Variants in FER observed in about 807,000 individuals in gnomAD.
The protein encoded by FER is tyrosine-protein kinase Fer.
A neutral mutation model predicts 111.0 loss-of-function variants in FER; 63 were observed. That is an observed-to-expected ratio of 0.57 (90% confidence interval 0.46 to 0.70). The LOEUF is 0.70. Among genes scored for constraint, FER ranks in the 30% least tolerant of loss-of-function variants. The pLI, the probability that FER is intolerant of heterozygous loss-of-function variation, is 0.00. For synonymous variants in FER, 327 were observed against 313.9 expected (o/e 1.04, Z -0.44); for missense variants, 914 against 954.0 (o/e 0.96, Z 0.55).
chr5:109,029,425 C>CTTTTTTTTTT (rs757282669), intron 13 of FER, among the ~76,000 whole-genome samples: 12 of 52,200 alleles, frequency 2.3e-4, no homozygotes, highest in Non-Finnish European at 3.1e-4. Flanking sequence ...ATTCATTGTT[C>CTTTTTTTTTT]TTTTTTTTTT....
chr5:108,905,459 T>G (rs1008380710), intron 10 of FER, among the ~76,000 whole-genome samples: 3 of 152,248 alleles, frequency 2.0e-5, no homozygotes, highest in Admixed American at 2.0e-4. Context: ...GAAGATAAAG[T>G]TAGGTAAGAA....
At chr5:109,079,461 C>T (rs576776858) in intron 16 of FER, among the ~76,000 whole-genome samples, 52 of 152,244 alleles carry the variant, frequency 3.4e-4, no homozygotes, top group South Asian at 2.7e-3. Flanking sequence ...ATTCTTTCAT[C>T]ATAAGTCTGA....
chr5:108,904,961 T>G (rs2150345166), intron 10 of FER, among the ~76,000 whole-genome samples: 1 of 152,244 alleles, frequency 6.6e-6, no homozygotes, highest in South Asian at 2.1e-4. Context: ...ATATTTACAG[T>G]TGTATGTTAT....
chr5:108,966,341 C>G (rs1759814712), intron 13 of FER, among the ~76,000 whole-genome samples: 1 of 151,518 alleles, frequency 6.6e-6, no homozygotes, highest in Non-Finnish European at 1.5e-5. Flanking sequence ...GCCTGATATT[C>G]ACCATTTCAT....
chr5:109,013,355 T>C (rs187153081), intron 13 of FER, among the ~76,000 whole-genome samples: 16,509 of 150,952 alleles, frequency 0.11, 993 homozygotes, highest in Non-Finnish European at 0.14. Context: ...TTGCGATAGT[T>C]TACTGAGAAT....
chr5:109,139,157 G>GGAGCTAAGT (rs1362788141), intron 17 of FER, among the ~76,000 whole-genome samples: 1 of 152,028 alleles, frequency 6.6e-6, no homozygotes, highest in East Asian at 1.9e-4. Flanking sequence ...GGAACACAGC[G>GGAGCTAAGT]GAGCTAAGTG....
At chr5:109,032,877 T>C (rs1473484510) in intron 13 of FER, among the ~76,000 whole-genome samples, 1 of 152,184 alleles carries the variant, frequency 6.6e-6, no homozygotes, top group African/African-American at 2.4e-5. Context: ...ATATTAATAC[T>C]CAGGAATTAA....
chr5:109,181,924 C>G (rs1470416941), intron 18 of FER, among the ~76,000 whole-genome samples: 1 of 152,156 alleles, frequency 6.6e-6, no homozygotes, highest in African/African-American at 2.4e-5. Flanking sequence ...TTCCGTTGTC[C>G]CCTAGTAGCC....
At chr5:108,917,298 C>A (rs1752394222) in intron 10 of FER, among the ~76,000 whole-genome samples, 1 of 151,942 alleles carries the variant, frequency 6.6e-6, no homozygotes, top group Admixed American at 6.6e-5. Flanking sequence ...ATAATTGTTT[C>A]TATTTTTAAG....
At chr5:108,773,637 A>T (rs1055137416) in intron 2 of FER, among the ~76,000 whole-genome samples, 1 of 152,028 alleles carries the variant, frequency 6.6e-6, no homozygotes, top group Non-Finnish European at 1.5e-5. Flanking sequence ...GCTGTTGTGA[A>T]TAGTGTGGCA....
intron 17 of FER, among the ~76,000 whole-genome samples, chr5:109,122,433 T>C (rs1010397654): frequency 1.3e-5 from 2 of 152,118 alleles, no homozygotes; most frequent in South Asian, 2.1e-4. Flanking sequence ...TCAGAGAAGA[T>C]GTACTTTATT....
chr5:108,878,425 A>G (rs950555759), intron 8 of FER, among the ~76,000 whole-genome samples: 3 of 151,972 alleles, frequency 2.0e-5, no homozygotes, highest in Non-Finnish European at 4.4e-5. Context: ...CATGTGTGTG[A>G]ATTGTTTTCT....
intron 12 of FER, 48 bp downstream of exon 12, chr5:108,954,980 C>A (rs547811411): frequency 2.1e-6 from 3 of 1,447,072 alleles, no homozygotes; most frequent in Non-Finnish European, 2.8e-6. Flanking sequence ...TAGTTCATTG[C>A]GGTACAATTA....
chr5:108,774,321 G>A (rs1753249143), intron 2 of FER, among the ~76,000 whole-genome samples: 3 of 152,176 alleles, frequency 2.0e-5, no homozygotes, highest in Middle Eastern at 3.4e-3. Flanking sequence ...ATTTGGGTTG[G>A]TTCTGTCTCT....
At chr5:108,988,293 A>C (rs1762800452) in intron 13 of FER, among the ~76,000 whole-genome samples, 1 of 151,820 alleles carries the variant, frequency 6.6e-6, no homozygotes, top group Non-Finnish European at 1.5e-5. Flanking sequence ...TATTAGGATG[A>C]TATTGGCTTC....
chr5:108,905,604 G>T (rs1750647479), intron 10 of FER, among the ~76,000 whole-genome samples: 1 of 152,098 alleles, frequency 6.6e-6, no homozygotes, highest in Non-Finnish European at 1.5e-5. Flanking sequence ...GGAAAGGTGG[G>T]TCAAAGAGAT....
intron 9 of FER, chr5:108,894,473 G>C: frequency 2.5e-6 from 1 of 403,670 alleles, no homozygotes; most frequent in Non-Finnish European, 4.7e-6. Flanking sequence ...CTGATAACAT[G>C]TGAGGATATT....
intron 2 of FER, among the ~76,000 whole-genome samples, chr5:108,791,294 G>T (rs1345262581): frequency 7.1e-6 from 1 of 141,744 alleles, no homozygotes; most frequent in Non-Finnish European, 1.6e-5. Flanking sequence ...TCTCTTCAGT[G>T]CTAAACTACA....
intron 10 of FER, among the ~76,000 whole-genome samples, chr5:108,911,525 A>G (rs1751541999): frequency 1.3e-5 from 2 of 152,174 alleles, no homozygotes; most frequent in Admixed American, 1.3e-4. Flanking sequence ...GGTTGTTGTC[A>G]TAAATTCTTC....
Sources: gnomAD v4.1 joint callset for allele counts (sites outside exome capture counted in the v4.1 genomes callset) on GRCh38, gnomAD v4.1.1 for gene constraint, MANE v1.5 for transcripts, NCBI Gene and HGNC (gene_info 2026-07-23, HGNC 2026-07-21) for gene names.